Variants in WHRN observed in about 807,000 individuals in gnomAD.
WHRN encodes whirlin, also known as CASK-interacting protein CIP98.
In WHRN, 41 loss-of-function variants were observed where a neutral mutation model predicts 68.3. That is an observed-to-expected ratio of 0.60 (90% CI 0.47 to 0.78). The LOEUF (loss-of-function observed/expected upper bound fraction) is 0.78, where lower values mean the gene tolerates loss of function less well. Among genes scored for constraint, WHRN ranks in the 30% least tolerant of loss-of-function variants. The pLI is 0.00. For missense variants in WHRN, 1,243 were observed against 1,244.7 expected, an observed-to-expected ratio of 1.00 and a Z score of 0.02; for synonymous variants, 560 against 561.3, an observed-to-expected ratio of 1.00 and a Z score of 0.03.
At position 114,457,875 on chromosome 9, in the gene WHRN, C is replaced by T. The variant is rs561237399; in HGVS notation, c.963+8392G>A. 4.0e-5 allele frequency among the ~76,000 whole-genome samples: 6 copies of T among 150,286 alleles called. No individual in the cohort carries two copies. The South Asian group carries it at 8.5e-4, about 21-fold the overall frequency. ...AGGTTGCAGTGAGCCAAGATGGTGCCGCTGCACTCCAGCCTGGGCAACAGA... is the reference window on the plus strand; with the variant it reads ...AGGTTGCAGTGAGCCAAGATGGTGCTGCTGCACTCCAGCCTGGGCAACAGA... On this transcript the variant is annotated intron_variant, in intron 3 of 11. Transcript: ENST00000362057.
chr9:114,461,251 C>T (rs1840222595), intron 3 of WHRN, among the ~76,000 whole-genome samples: 1 of 152,224 alleles, frequency 6.6e-6, no homozygotes, highest in East Asian at 1.9e-4. Context: ...CATTCAGACG[C>T]CGCCTAAGGA....
chr9:114,457,686 C>T (rs975234153), intron 3 of WHRN, among the ~76,000 whole-genome samples: 8 of 152,056 alleles, frequency 5.3e-5, no homozygotes, highest in Admixed American at 1.3e-4. Flanking sequence ...GAGGCCGAGG[C>T]GGGTGGATCA....
rs1844272962 is a variant in WHRN at position 114,504,863 on chromosome 9, G to C, written c.-62C>G. 1 of 1,337,958 alleles carries C rather than the reference G, an allele frequency of 7.5e-7. No individual in the cohort carries two copies. The highest frequency in any genetic ancestry group is 1.5e-5 in the African/African-American group (1 of 64,666). 82.9% of individuals were successfully genotyped at this position (1,337,958 alleles called of 1,614,324 possible). On this transcript the variant is annotated 5_prime_UTR_variant, in exon 1 of 12. Transcript: ENST00000362057. ...GGGTGTGGGCGGTGCCGCTGTCCTC[G>C]CGGGTACTGGCGCGACAGCTGGATC...
At chr9:114,442,190 C>T (rs781642511) in intron 3 of WHRN, among the ~76,000 whole-genome samples, 1 of 152,108 alleles carries the variant, frequency 6.6e-6, no homozygotes, top group Non-Finnish European at 1.5e-5. Flanking sequence ...AAACAAAATG[C>T]AACACGTGAT....
chr9:114,438,895 T>C (rs139930358), intron 3 of WHRN, among the ~76,000 whole-genome samples: 107 of 152,138 alleles, frequency 7.0e-4, no homozygotes, highest in Middle Eastern at 6.8e-3. Flanking sequence ...AGGAGAACGG[T>C]TGGATAACGT....
intron 7 of WHRN, among the ~76,000 whole-genome samples, chr9:114,413,148 T>G (rs1020976092): frequency 1.3e-5 from 2 of 152,012 alleles, no homozygotes; most frequent in Non-Finnish European, 2.9e-5. Flanking sequence ...TATTCGCCAG[T>G]GGGGGCCTAG....
intron 7 of WHRN, among the ~76,000 whole-genome samples, chr9:114,413,810 A>C (rs1374726939): frequency 1.3e-5 from 2 of 152,172 alleles, no homozygotes; most frequent in Non-Finnish European, 2.9e-5. Context: ...AAGCTTCTGC[A>C]TGAAGCCTTC....
At chr9:114,487,402 T>C (rs1174703829) in intron 1 of WHRN, among the ~76,000 whole-genome samples, 3 of 152,100 alleles carry the variant, frequency 2.0e-5, no homozygotes, top group Admixed American at 6.5e-5. Flanking sequence ...CAACTGAACA[T>C]TTTCTGCTCC....
Position 114,426,241 on chromosome 9 carries a change from C to G in WHRN, c.1136G>C (p.Arg379Pro). The G allele has an allele frequency of 4.3e-6, 7 of 1,612,534 alleles. No individual in the cohort carries two copies. The highest frequency in any genetic ancestry group is 1.3e-5 in the African/African-American group (1 of 75,006). Residue 379 changes from arginine to proline, a missense_variant, in exon 4 of 12, where the codon CGG becomes CCG. Transcript: ENST00000362057. ...CGAGTTCGCCATGGTCTCCCTGATCCGGGAACTGGCGATCCACTTGGTCTC... is the reference window on the plus strand; with the variant it reads ...CGAGTTCGCCATGGTCTCCCTGATCGGGGAACTGGCGATCCACTTGGTCTC... ...VDETKWIASS[R>P]IRETMANSAG... is the part of the protein sequence containing the mutation.
intron 3 of WHRN, among the ~76,000 whole-genome samples, chr9:114,450,700 C>T (rs543700573): frequency 3.2e-4 from 49 of 152,186 alleles, no homozygotes; most frequent in Non-Finnish European, 5.4e-4. Context: ...ATGAGGAAAC[C>T]GAGTCTCAGG....
Position 114,482,834 on chromosome 9 carries a change from A to C in WHRN, c.619-4063T>G, listed in dbSNP as rs577897408. Among the ~76,000 whole-genome samples, 5 of 152,302 alleles carry C rather than the reference A, an allele frequency of 3.3e-5. No homozygotes were observed. In the East Asian group the frequency reaches 7.7e-4, roughly 24 times the overall value. ...GGAGAGGTTAATGCCCTTGATGAGA[A>C]CACCACAGAGAGCCAGCGCCGGAGA... On this transcript the variant is annotated intron_variant, in intron 1 of 11. Transcript: ENST00000362057.
chr9:114,460,648 G>A (rs1250473121), intron 3 of WHRN, among the ~76,000 whole-genome samples: 1 of 152,154 alleles, frequency 6.6e-6, no homozygotes, highest in Non-Finnish European at 1.5e-5. Flanking sequence ...GGCCTTCCCA[G>A]GGCAAATGCT....
Position 114,504,909 on chromosome 9 carries a change from G to A in WHRN, c.-108C>T, listed in dbSNP as rs1844276295. 1.5e-6 allele frequency: 2 copies of A among 1,317,560 alleles called. No homozygotes were observed. Among genetic ancestry groups the A allele is most frequent in the Admixed American group, 4.1e-5 (1 of 24,168 alleles). 81.6% of individuals were successfully genotyped at this position (1,317,560 alleles called of 1,614,324 possible). On this transcript the variant is annotated 5_prime_UTR_variant, in exon 1 of 12. Transcript: ENST00000362057. The stretch of plus-strand genomic sequence containing the variant: ...GGATCCCCGGGAGCGCGGAGACGAC[G>A]GCTGGAGCCTGGGTTTGGGGAGCAC...
At chr9:114,430,024 C>A (rs961274897) in intron 3 of WHRN, among the ~76,000 whole-genome samples, 1 of 152,210 alleles carries the variant, frequency 6.6e-6, no homozygotes, top group Non-Finnish European at 1.5e-5. Flanking sequence ...TTAAGTATGC[C>A]CCTCAATAGC....
Position 114,423,463 on chromosome 9 carries a change from G to A in WHRN, c.1477C>T (p.His493Tyr). ...TCAATCTCACGCCTCAGCACCAGGT[G>A]GTCGAAGCGTTCTAGGTCTTGCGGG... ...ISPQDLERFD[H>Y]LVLRREIESM... Residue 493 changes from histidine (H) to tyrosine (Y), a missense_variant, in exon 7 of 12, where the codon CAC (histidine) becomes TAC (tyrosine). His to Tyr is a moderately conservative substitution (Grantham distance 83). Coordinates refer to ENST00000362057, the MANE Select transcript of WHRN (RefSeq NM_015404.4). 6.2e-7 allele frequency: 1 copy of A among 1,614,060 alleles called. No homozygotes were observed. Among genetic ancestry groups the A allele is most frequent in the South Asian group, 1.1e-5 (1 of 91,084 alleles).
At chr9:114,435,340 C>G (rs191521490) in intron 3 of WHRN, among the ~76,000 whole-genome samples, 53 of 152,334 alleles carry the variant, frequency 3.5e-4, no homozygotes, top group Admixed American at 1.0e-3. Context: ...CCTCCCCATT[C>G]TGGTTCCTGC....
intron 1 of WHRN, among the ~76,000 whole-genome samples, chr9:114,493,426 T>A (rs113188293): frequency 0.018 from 2,742 of 151,512 alleles, 91 homozygotes; most frequent in African/African-American, 0.063. Context: ...CTAGACAAAT[T>A]CCTCTATTCC....
At chr9:114,481,926 G>A (rs1842122573) in intron 1 of WHRN, among the ~76,000 whole-genome samples, 1 of 152,134 alleles carries the variant, frequency 6.6e-6, no homozygotes, top group South Asian at 2.1e-4. Flanking sequence ...AGCCTCGTGA[G>A]AGACAAGGCA....
intron 3 of WHRN, among the ~76,000 whole-genome samples, chr9:114,445,221 T>C (rs1838718168): frequency 6.6e-6 from 1 of 152,062 alleles, no homozygotes; most frequent in Non-Finnish European, 1.5e-5. Flanking sequence ...TTTGTATTTT[T>C]AGTAGAGATG....
Sources: gnomAD v4.1 joint callset for allele counts (sites outside exome capture counted in the v4.1 genomes callset) on GRCh38, gnomAD v4.1.1 for gene constraint, MANE v1.5 for transcripts, NCBI Gene and HGNC (gene_info 2026-07-23, HGNC 2026-07-21) for gene names.